Variants in CCDC197 observed in about 807,000 individuals in gnomAD.
The protein encoded by CCDC197 is coiled-coil domain containing 197, also known as uncharacterized protein CCDC197.
In CCDC197, 24 loss-of-function variants were observed where a neutral mutation model predicts 13.4. The observed-to-expected ratio is 1.80, with a 90% CI of 1.30 to 2.53. CCDC197 has a LOEUF of 2.53. Among genes scored for constraint, CCDC197 ranks in the 30% most tolerant of loss-of-function variants. The probability of loss-of-function intolerance (pLI) is 0.00; values close to 1 mark genes in which losing one functional copy is unlikely to be tolerated. For missense variants in CCDC197, 255 were observed against 148.8 expected (o/e 1.71, Z -3.71); for synonymous variants, 99 against 55.5 (o/e 1.78, Z -3.48).
In CCDC197 at chr14:94,003,312, G is replaced by T; in HGVS notation, c.456G>T (p.Gln152His). The T allele has an allele frequency of 1.5e-6, 1 of 680,658 alleles. No individual in the cohort carries two copies. Among genetic ancestry groups the T allele is most frequent in the Non-Finnish European group, 2.8e-6 (1 of 354,898 alleles). The allele number at this position is 680,658 out of a possible 1,614,324, so 42.2% of individuals were successfully genotyped here. The change falls in exon 5 of 7, where the codon CAG (glutamine) becomes CAT (histidine). Residue 152 changes from glutamine to histidine, a missense_variant. Coordinates refer to ENST00000636493, the MANE Select transcript of CCDC197 (RefSeq NM_001351596.2). The surrounding 1 kb of genome is among the most constrained non-coding windows in gnomAD (Gnocchi z 5.0). ...WWQLKHSITY[Q>H]KDIDFDTHTS... Reference sequence around the variant, plus strand: ...AGCTGAAGCACAGCATCACTTACCAGAAGGACATTGACTTTGACACACACA... The same window carrying T: ...AGCTGAAGCACAGCATCACTTACCATAAGGACATTGACTTTGACACACACA...
chr14:94,002,224 TTCTC>T (rs930173923), intron 4 of CCDC197, among the ~76,000 whole-genome samples: 2 of 151,958 alleles, frequency 1.3e-5, no homozygotes, highest in Non-Finnish European at 2.9e-5. Flanking sequence ...GCGTCTGTCT[TTCTC>T]TCTCTCTTTC....
chr14:93,998,646 C>T (rs74832455), intron 2 of CCDC197, among the ~76,000 whole-genome samples: 3,686 of 152,260 alleles, frequency 0.024, 104 homozygotes, highest in African/African-American at 0.061. Flanking sequence ...TCAGGCTACC[C>T]ACAAAAGCCT....
In CCDC197 at chr14:93,997,374, G is replaced by A. The variant is rs567859129; in HGVS notation, c.-331G>A. 9 of 152,352 alleles carry A rather than the reference G, an allele frequency of 5.9e-5. No homozygotes were observed. The East Asian group carries it at 1.7e-3, about 29-fold the overall frequency. The allele number at this position is 152,352 out of a possible 1,614,324, so 9.4% of individuals were successfully genotyped here. On this transcript the variant is annotated 5_prime_UTR_variant, in exon 1 of 7. Transcript: ENST00000636493. Reference sequence around the variant, plus strand: ...TGGGGCTAGAAAGACTGACCTTGTAGCCCCTCACCTTCTCTCCCCAATGCA... The same window carrying A: ...TGGGGCTAGAAAGACTGACCTTGTAACCCCTCACCTTCTCTCCCCAATGCA...
chr14:93,994,749 G>A (rs1265859970), upstream of CCDC197, among the ~76,000 whole-genome samples: 6 of 152,194 alleles, frequency 3.9e-5, no homozygotes, highest in East Asian at 1.9e-4. Context: ...ATTTTTGAGC[G>A]TGGGAAGGGA....
downstream of CCDC197, among the ~76,000 whole-genome samples, chr14:94,011,678 A>G (rs780328968): frequency 2.6e-5 from 4 of 152,242 alleles, no homozygotes; most frequent in African/African-American, 4.8e-5. Context: ...AATAAAAAGC[A>G]CTAGTTCAGG....
upstream of CCDC197, among the ~76,000 whole-genome samples, chr14:93,996,440 C>G (rs560093645): frequency 1.3e-5 from 2 of 149,004 alleles, no homozygotes; most frequent in Non-Finnish European, 2.9e-5. Flanking sequence ...GGCCCCAGCC[C>G]GAGCCTTTGA....
intron 4 of CCDC197, among the ~76,000 whole-genome samples, chr14:94,002,366 G>C (rs1890546419): frequency 6.6e-6 from 1 of 151,914 alleles, no homozygotes. Context: ...TCGGCTTACT[G>C]CAGCCTCCGC....
downstream of CCDC197, among the ~76,000 whole-genome samples, chr14:94,010,801 A>T (rs538932022): frequency 6.6e-6 from 1 of 152,212 alleles, no homozygotes; most frequent in South Asian, 2.1e-4. Flanking sequence ...TCACACACTC[A>T]TGCCTCTCTG....
chr14:93,989,355 T>C (rs1365014351), intron 1 of CCDC197, among the ~76,000 whole-genome samples: 1 of 152,110 alleles, frequency 6.6e-6, no homozygotes, highest in Non-Finnish European at 1.5e-5. Flanking sequence ...TGCAGTGACA[T>C]CCAGCACTGG....
At chr14:94,001,084 C>G (rs1358207221) in intron 3 of CCDC197, 61 bp from the exon 4 acceptor site, 5 of 676,022 alleles carry the variant, frequency 7.4e-6, no homozygotes, top group Admixed American at 6.7e-5. Context: ...TCCTGGCCAC[C>G]CTGTTGGCAT....
chr14:94,000,831 G>T, intron 3 of CCDC197: 1 of 255,720 alleles, frequency 3.9e-6, no homozygotes, highest in Non-Finnish European at 7.4e-6. Flanking sequence ...CCCCTCTCAG[G>T]CTGCTCCAAG....
chr14:94,006,325 T>C (rs2141384990), intron 6 of CCDC197, among the ~76,000 whole-genome samples: 1 of 151,938 alleles, frequency 6.6e-6, no homozygotes, highest in Admixed American at 6.6e-5. Flanking sequence ...CTATTCAAAT[T>C]ATTTGCCCAT....
In CCDC197 at chr14:94,003,402, G is replaced by A. The variant is rs942006025; in HGVS notation, c.498+48G>A. The A allele has an allele frequency of 1.5e-6, 1 of 683,172 alleles. No individual in the cohort carries two copies. The highest frequency in any genetic ancestry group is 2.7e-6 in the Non-Finnish European group (1 of 370,116). 42.3% of individuals were successfully genotyped at this position (683,172 alleles called of 1,614,324 possible). ...GGGGTGGGGTTAGGGGTGGGGAAGGGGAAGCTGATGTCTCCATCATCAATC... is the reference window on the plus strand; with the variant it reads ...GGGGTGGGGTTAGGGGTGGGGAAGGAGAAGCTGATGTCTCCATCATCAATC... On this transcript the variant is annotated intron_variant, in intron 5 of 6. Coordinates refer to ENST00000636493, the MANE Select transcript of CCDC197 (RefSeq NM_001351596.2). This position sits in a 1 kb window ranked among gnomAD's most constrained non-coding sequence, Gnocchi z 5.0.
upstream of CCDC197, among the ~76,000 whole-genome samples, chr14:93,995,874 A>G (rs1271219424): frequency 6.6e-6 from 1 of 151,866 alleles, no homozygotes; most frequent in Non-Finnish European, 1.5e-5. Flanking sequence ...GCTGGCTGAT[A>G]CCCTTTGACT....
At chr14:94,006,356 A>AT (rs34620720) in intron 6 of CCDC197, among the ~76,000 whole-genome samples, 2,153 of 142,596 alleles carry the variant, frequency 0.015, 42 homozygotes, top group African/African-American at 0.04. Context: ...GATTATTTGT[A>AT]TTTTTTTTTT....
chr14:94,007,928 G>A (rs1362037118), intron 6 of CCDC197, among the ~76,000 whole-genome samples: 2 of 152,196 alleles, frequency 1.3e-5, no homozygotes, highest in Non-Finnish European at 2.9e-5. Flanking sequence ...AGGCAGTACC[G>A]AGGCTGCTGC....
chr14:94,004,705 G>A, intron 5 of CCDC197, 150 bp from the exon 6 acceptor site: 3 of 570,852 alleles, frequency 5.3e-6, no homozygotes, highest in Middle Eastern at 4.4e-4. Flanking sequence ...ACCGAGCCCC[G>A]CAGGAGAGGA....
chr14:94,007,381 A>G (rs1392281998), intron 6 of CCDC197: 2 of 152,070 alleles, frequency 1.3e-5, no homozygotes, highest in Non-Finnish European at 2.9e-5. Flanking sequence ...AAAAAGTTCT[A>G]TTTTTCCCCT....
At chr14:94,010,184 T>C (rs1890784683), downstream of CCDC197, among the ~76,000 whole-genome samples, 1 of 126,412 alleles carries the variant, frequency 7.9e-6, no homozygotes, top group African/African-American at 3.7e-5. Flanking sequence ...GAGTTATATT[T>C]TGGGGTGTTT....
Sources: gnomAD v4.1 joint callset for allele counts (sites outside exome capture counted in the v4.1 genomes callset) on GRCh38, gnomAD v4.1.1 for gene constraint, Gnocchi (gnomAD v3.1) non-coding constraint, MANE v1.5 for transcripts, NCBI Gene and HGNC (gene_info 2026-07-23, HGNC 2026-07-21) for gene names.